Variants in PARD3B observed in about 807,000 individuals in gnomAD.
PARD3B encodes the protein partitioning defective 3 homolog B.
Under a neutral mutation model 130.2 loss-of-function variants are expected in PARD3B, and 103 were observed. The observed-to-expected ratio is 0.79, with a 90% confidence interval of 0.67 to 0.93. PARD3B has a LOEUF of 0.93. Ranked by LOEUF, PARD3B falls within the 40% of genes least tolerant of loss-of-function variation. The pLI is 0.00. For synonymous variants in PARD3B, 583 were observed against 553.2 expected, an observed-to-expected ratio of 1.05 and a Z score of -0.76; for missense variants, 1,609 against 1,499.2, an observed-to-expected ratio of 1.07 and a Z score of -1.21.
chr2:205,559,228 G>C (rs1209427627), intron 22 of PARD3B, among the ~76,000 whole-genome samples: 2 of 152,100 alleles, frequency 1.3e-5, no homozygotes, highest in Non-Finnish European at 2.9e-5. Context: ...TCACTGCAAC[G>C]TCTGCCTCCC....
chr2:205,340,117 T>C (rs1021239418), intron 18 of PARD3B, among the ~76,000 whole-genome samples: 6 of 152,112 alleles, frequency 3.9e-5, no homozygotes, highest in African/African-American at 1.4e-4. Flanking sequence ...CTCTCTAAGC[T>C]CCTTGTCACA....
At chr2:205,493,138 T>G (rs2049785388) in intron 20 of PARD3B, among the ~76,000 whole-genome samples, 1 of 152,154 alleles carries the variant, frequency 6.6e-6, no homozygotes, top group African/African-American at 2.4e-5. Flanking sequence ...TTTAATTATA[T>G]TATAGTTATG....
chr2:205,540,067 T>C (rs955022960), intron 21 of PARD3B, among the ~76,000 whole-genome samples: 7 of 152,182 alleles, frequency 4.6e-5, no homozygotes, highest in African/African-American at 7.2e-5. Context: ...ACGGACTCTG[T>C]GTCCTCCACA....
chr2:204,966,734 A>G (rs966095209), intron 3 of PARD3B, among the ~76,000 whole-genome samples: 2 of 152,022 alleles, frequency 1.3e-5, no homozygotes, highest in African/African-American at 2.4e-5. Flanking sequence ...TATCGAATGC[A>G]AGAAAAAAAA....
chr2:205,485,329 A>G (rs1440971719), intron 20 of PARD3B, among the ~76,000 whole-genome samples: 1 of 152,184 alleles, frequency 6.6e-6, no homozygotes, highest in Non-Finnish European at 1.5e-5. Context: ...ATGGAAAATG[A>G]TCAGTTTTCA....
In PARD3B at chr2:204,669,689, A is replaced by C. The variant is rs917773362; in HGVS notation, c.121-16492A>C. ...TTTGGAATCAAATTATAGAGAAAGT[A>C]TGGTTATCATTACAGAAAAGAATGT... is the stretch of plus-strand genomic sequence containing the variant. On this transcript the variant is annotated intron_variant, in intron 1 of 22. Coordinates refer to ENST00000406610, the MANE Select transcript of PARD3B (RefSeq NM_001302769.2). This position sits in a 1 kb window ranked among gnomAD's most constrained non-coding sequence, Gnocchi z 4.3. 2.6e-5 allele frequency among the ~76,000 whole-genome samples: 4 copies of C among 152,174 alleles called. No individual in the cohort carries two copies. The highest frequency in any genetic ancestry group is 9.6e-5 in the African/African-American group (4 of 41,462).
chr2:205,482,381 C>G (rs2049270508), intron 20 of PARD3B, among the ~76,000 whole-genome samples: 1 of 151,966 alleles, frequency 6.6e-6, no homozygotes, highest in African/African-American at 2.4e-5. Flanking sequence ...GGTGAAGGTA[C>G]AAACCGGATT....
intron 3 of PARD3B, among the ~76,000 whole-genome samples, chr2:204,970,584 T>G (rs2125174183): frequency 6.6e-6 from 1 of 152,334 alleles, no homozygotes; most frequent in African/African-American, 2.4e-5. Context: ...TTCCCTGCTA[T>G]GGCCCCAATT....
At chr2:205,603,402 C>T (rs2054865723) in intron 22 of PARD3B, among the ~76,000 whole-genome samples, 1 of 152,094 alleles carries the variant, frequency 6.6e-6, no homozygotes, top group Non-Finnish European at 1.5e-5. Flanking sequence ...TCCTGAATAT[C>T]CTTGTTAATT....
intron 1 of PARD3B, among the ~76,000 whole-genome samples, chr2:204,684,734 A>T (rs990372868): frequency 2.6e-5 from 4 of 152,204 alleles, no homozygotes; most frequent in Non-Finnish European, 5.9e-5. Flanking sequence ...CCCACTGCTT[A>T]TATCTTTGAG....
intron 15 of PARD3B, among the ~76,000 whole-genome samples, chr2:205,202,070 A>C (rs2037022207): frequency 6.6e-6 from 1 of 152,168 alleles, no homozygotes; most frequent in South Asian, 2.1e-4. Flanking sequence ...CAGCACCTCC[A>C]TCCACGGCAG....
intron 1 of PARD3B, among the ~76,000 whole-genome samples, chr2:204,627,332 T>C (rs2034522467): frequency 6.6e-6 from 1 of 152,182 alleles, no homozygotes; most frequent in Non-Finnish European, 1.5e-5. Context: ...ATTGCAAATG[T>C]TTGGCATACA....
rs7594189 is a variant in PARD3B, at chr2:205,590,530, A to G, written c.3261-24926A>G. On this transcript the variant is annotated intron_variant, in intron 22 of 22. Coordinates refer to ENST00000406610, the MANE Select transcript of PARD3B (RefSeq NM_001302769.2). The surrounding 1 kb of genome is among the most constrained non-coding windows in gnomAD (Gnocchi z 4.1). ...CCCGAGGGGATGGAACGTTCTGATGATCCAGGCCTGGGTCACATGCCCCTC... is the reference window on the plus strand; with the variant it reads ...CCCGAGGGGATGGAACGTTCTGATGGTCCAGGCCTGGGTCACATGCCCCTC... Among the ~76,000 whole-genome samples the G allele has an allele frequency of 0.97, 146,996 of 152,246 alleles. 71,189 individuals are homozygous for G. Among genetic ancestry groups the G allele is most frequent in the East Asian group, 1 (5,162 of 5,162 alleles).
chr2:204,843,782 A>G (rs2044349476), intron 2 of PARD3B, among the ~76,000 whole-genome samples: 1 of 152,122 alleles, frequency 6.6e-6, no homozygotes, highest in Non-Finnish European at 1.5e-5. Context: ...AACTCTTTCT[A>G]TCAAAACATA....
rs894448303 is a variant in PARD3B at position 205,584,163 on chromosome 2, G to A, written c.3260+30760G>A. On this transcript the variant is annotated intron_variant, in intron 22 of 22. Transcript: ENST00000406610. This position sits in a 1 kb window ranked among gnomAD's most constrained non-coding sequence, Gnocchi z 5.5. ...CAATATGGTAGCCGCAACAACATGGGGCTATCAGACATTTAAATGTGTCTG... is the reference window on the plus strand; with the variant it reads ...CAATATGGTAGCCGCAACAACATGGAGCTATCAGACATTTAAATGTGTCTG... Among the ~76,000 whole-genome samples the A allele has an allele frequency of 3.9e-5, 6 of 151,992 alleles. No homozygotes were observed. The highest frequency in any genetic ancestry group is 3.9e-4 in the Admixed American group (6 of 15,248).
intron 2 of PARD3B, among the ~76,000 whole-genome samples, chr2:204,830,957 A>G (rs1339600682): frequency 7.2e-5 from 11 of 152,204 alleles, no homozygotes; most frequent in Non-Finnish European, 1.5e-4. Context: ...AATCCCAACT[A>G]TCATTGCTGG....
chr2:205,395,814 C>T (rs943806397), intron 18 of PARD3B, among the ~76,000 whole-genome samples: 12 of 152,180 alleles, frequency 7.9e-5, no homozygotes, highest in Admixed American at 2.0e-4. Flanking sequence ...TTAAAATATT[C>T]ATCACATTGT....
chr2:205,093,409 G>A (rs1702225115), intron 4 of PARD3B, among the ~76,000 whole-genome samples: 2 of 152,068 alleles, frequency 1.3e-5, no homozygotes, highest in East Asian at 1.9e-4. Context: ...CACCTACCCC[G>A]AGATCAATGA....
rs1482725010 is a variant in PARD3B at position 205,011,042 on chromosome 2, G to C, written c.395-36539G>C. 2.6e-5 allele frequency among the ~76,000 whole-genome samples: 4 copies of C among 152,058 alleles called. No individual in the cohort carries two copies. Among genetic ancestry groups the C allele is most frequent in the African/African-American group, 9.7e-5 (4 of 41,392 alleles). Reference sequence around the variant, plus strand: ...CTGATTGCGGCTCTCTGGTGTATGGGGTTTAGTGGTGGAAGGTATCCCCTA... The same window carrying C: ...CTGATTGCGGCTCTCTGGTGTATGGCGTTTAGTGGTGGAAGGTATCCCCTA... On this transcript the variant is annotated intron_variant, in intron 3 of 22. Coordinates refer to ENST00000406610, the MANE Select transcript of PARD3B (RefSeq NM_001302769.2). The surrounding 1 kb of genome is among the most constrained non-coding windows in gnomAD (Gnocchi z 4.1).
Sources: gnomAD v4.1 joint callset for allele counts (sites outside exome capture counted in the v4.1 genomes callset) on GRCh38, gnomAD v4.1.1 for gene constraint, Gnocchi (gnomAD v3.1) non-coding constraint, MANE v1.5 for transcripts, NCBI Gene and HGNC (gene_info 2026-07-23, HGNC 2026-07-21) for gene names.